Variants in ATP11A observed in about 807,000 individuals in gnomAD.
ATP11A encodes the protein phospholipid-transporting ATPase IH.
ATP11A carries 81 observed loss-of-function variants against 154.4 expected under a neutral mutation model. The ratio of observed to expected loss-of-function variants is 0.52; its 90% CI spans 0.44 to 0.63. The LOEUF is 0.63. Among genes scored for constraint, ATP11A ranks in the 30% least tolerant of loss-of-function variants. ATP11A has a pLI of 0.00. For synonymous variants in ATP11A, 623 were observed against 585.9 expected, an observed-to-expected ratio of 1.06 and a Z score of -0.91; for missense variants, 1,316 against 1,474.3, an observed-to-expected ratio of 0.89 and a Z score of 1.76.
rs368918441 is a variant in ATP11A at position 112,881,570 on chromosome 13, G to T, written c.*10-306G>T. 163 of 1,158,670 alleles carry T rather than the reference G, an allele frequency of 1.4e-4. No individual in the cohort carries two copies. The African/African-American group carries it at 2.4e-3, about 17-fold the overall frequency. 71.8% of individuals were successfully genotyped at this position (1,158,670 alleles called of 1,614,324 possible). On this transcript the variant is annotated intron_variant, in intron 29 of 29. Transcript: ENST00000375645. ...CCTGGGATGGTGGGACAGGGGGACG[G>T]TCACTCTGTTGGTACTGAAAAGGAG... is the stretch of plus-strand genomic sequence containing the variant.
At chr13:112,832,157 C>T (rs1210766248) in intron 13 of ATP11A, among the ~76,000 whole-genome samples, 1 of 152,272 alleles carries the variant, frequency 6.6e-6, no homozygotes, top group Non-Finnish European at 1.5e-5. Flanking sequence ...CATGCACTCT[C>T]ACACACGCCC....
rs567135270 is a variant in ATP11A, at chr13:112,816,110, G to A, written c.469G>A (p.Asp157Asn). Residue 157 changes from aspartate (D) to asparagine (N), a missense_variant, in exon 6 of 30, where the codon GAC becomes AAC. Around this residue, in one of 5 missense-constraint regions of ATP11A, gnomAD observed 876 missense variants for 1,006.8 expected, o/e 0.87. Transcript: ENST00000375645. Reference sequence around the variant, plus strand: ...TGGGGACATTGTCATGGTTAAGGAGGACGAGACCTTTCCCTGCGACTTGAT... The same window carrying A: ...TGGGGACATTGTCATGGTTAAGGAGAACGAGACCTTTCCCTGCGACTTGAT... ...RVGDIVMVKE[D>N]ETFPCDLIFL... 1.9e-6 allele frequency: 3 copies of A among 1,614,218 alleles called. No homozygotes were observed. In the Admixed American group the frequency reaches 5.0e-5, roughly 27 times the overall value.
At chr13:112,874,730 G>A (rs1408249177) in intron 27 of ATP11A, among the ~76,000 whole-genome samples, 2 of 152,194 alleles carry the variant, frequency 1.3e-5, no homozygotes, top group Non-Finnish European at 2.9e-5. Context: ...TCTCAGAGAT[G>A]ACAGCCCAGC....
intron 25 of ATP11A, among the ~76,000 whole-genome samples, chr13:112,870,455 T>C (rs914787667): frequency 1.3e-5 from 2 of 152,332 alleles, no homozygotes; most frequent in South Asian, 4.1e-4. Flanking sequence ...CTCTGCTCAC[T>C]GCAACCTCCG....
intron 1 of ATP11A, among the ~76,000 whole-genome samples, chr13:112,756,283 A>G (rs1368232110): frequency 6.6e-6 from 1 of 152,220 alleles, no homozygotes. Context: ...CTCTGACCCC[A>G]AATAACTAAG....
intron 1 of ATP11A, among the ~76,000 whole-genome samples, chr13:112,779,828 CTGGAAGCGG>C (rs1417385460): frequency 6.6e-6 from 1 of 152,082 alleles, no homozygotes; most frequent in East Asian, 1.9e-4. Context: ...TTGCTTAAAC[CTGGAAGCGG>C]TGGTTGCAGT....
chr13:112,761,520 A>G (rs753852307), intron 1 of ATP11A, among the ~76,000 whole-genome samples: 8 of 152,214 alleles, frequency 5.3e-5, no homozygotes, highest in Non-Finnish European at 1.0e-4. Context: ...CATTGTGTCC[A>G]TAGGATTCGG....
At chr13:112,752,884 C>T (rs1278557813) in intron 1 of ATP11A, among the ~76,000 whole-genome samples, 3 of 152,212 alleles carry the variant, frequency 2.0e-5, no homozygotes, top group Non-Finnish European at 4.4e-5. Flanking sequence ...GTGGCTTCCG[C>T]CTGGCCTCCA....
chr13:112,700,088 C>G (rs761351484), intron 1 of ATP11A, among the ~76,000 whole-genome samples: 30 of 140,172 alleles, frequency 2.1e-4, no homozygotes, highest in South Asian at 4.5e-4. Flanking sequence ...AAAATAAGAT[C>G]ATTTTTCCTG....
intron 25 of ATP11A, 40 bp downstream of exon 25, chr13:112,862,615 G>T: frequency 6.2e-7 from 1 of 1,613,134 alleles, no homozygotes; most frequent in Non-Finnish European, 8.5e-7. Context: ...AGCTGCTTAG[G>T]AATAAAGCCT....
chr13:112,787,135 G>T (rs1316717618), intron 2 of ATP11A, among the ~76,000 whole-genome samples: 1 of 137,094 alleles, frequency 7.3e-6, no homozygotes, highest in African/African-American at 3.1e-5. Context: ...GACCCCTGTG[G>T]AGACCTACTT....
rs1000380658 is a variant in ATP11A, at chr13:112,886,769, T to C, written c.*4903T>C. The C allele has an allele frequency of 4.6e-5, 7 of 152,608 alleles. No individual in the cohort carries two copies. The highest frequency in any genetic ancestry group is 9.6e-5 in the African/African-American group (4 of 41,472). The allele number at this position is 152,608 out of a possible 1,614,324, so 9.5% of individuals were successfully genotyped here. On this transcript the variant is annotated 3_prime_UTR_variant, in exon 30 of 30. Coordinates refer to ENST00000375645, the MANE Select transcript of ATP11A (RefSeq NM_015205.3). Reference sequence around the variant, plus strand: ...TAAAATTATAATGTCTGCGTCACCATTTAAAATGTCTGTTCATTATGTAAT... The same window carrying C: ...TAAAATTATAATGTCTGCGTCACCACTTAAAATGTCTGTTCATTATGTAAT...
intron 1 of ATP11A, among the ~76,000 whole-genome samples, chr13:112,758,431 C>CTT (rs1396524682): frequency 1.4e-5 from 2 of 140,828 alleles, no homozygotes; most frequent in African/African-American, 5.2e-5. Context: ...TCTTTTTTTT[C>CTT]TTTTTTTTTT....
At chr13:112,765,732 A>G (rs967722663) in intron 1 of ATP11A, among the ~76,000 whole-genome samples, 2 of 152,244 alleles carry the variant, frequency 1.3e-5, no homozygotes, top group African/African-American at 2.4e-5. Context: ...GTGTGGGGAA[A>G]TGTCTCTGAG....
At chr13:112,840,558 C>T (rs1338049934) in intron 16 of ATP11A, among the ~76,000 whole-genome samples, 1 of 149,076 alleles carries the variant, frequency 6.7e-6, no homozygotes, top group Non-Finnish European at 1.5e-5. Flanking sequence ...CCTGTCCCCT[C>T]CAGCCTCAGC....
intron 25 of ATP11A, among the ~76,000 whole-genome samples, chr13:112,869,399 C>T (rs2140404171): frequency 6.6e-6 from 1 of 152,314 alleles, no homozygotes; most frequent in East Asian, 1.9e-4. Flanking sequence ...ACCCCCTAAA[C>T]CCAGGGAGCC....
chr13:112,730,414 C>T (rs1890365980), intron 1 of ATP11A, among the ~76,000 whole-genome samples: 1 of 152,232 alleles, frequency 6.6e-6, no homozygotes, highest in East Asian at 1.9e-4. Context: ...GCCAGCTGAG[C>T]CCACAGCAGT....
In ATP11A at chr13:112,855,196, T is replaced by G. The variant is rs542577254; in HGVS notation, c.2243+666T>G. The stretch of plus-strand genomic sequence containing the variant: ...AACTCCTTTTAGGGATTGGAGGGTT[T>G]TTTTTGTTGTTTTTTGTTTTTTGTT... On this transcript the variant is annotated intron_variant, in intron 19 of 29. Coordinates refer to ENST00000375645, the MANE Select transcript of ATP11A (RefSeq NM_015205.3). Among the ~76,000 whole-genome samples the G allele has an allele frequency of 2.0e-5, 3 of 152,250 alleles. No individual in the cohort carries two copies. In the South Asian group the frequency reaches 6.2e-4, roughly 32 times the overall value.
chr13:112,754,973 G>A lies in ATP11A; in HGVS notation c.40-30162G>A, dbSNP rs1485611901. 6.6e-6 allele frequency among the ~76,000 whole-genome samples: 1 copy of A among 152,258 alleles called. No homozygotes were observed. Among genetic ancestry groups the A allele is most frequent in the Non-Finnish European group, 1.5e-5 (1 of 68,038 alleles). ...CGGTGGGCGCAGAGCTCCTGCCGAG[G>A]GCTGGATGGCGCGGACCTGGGCATC... is the stretch of plus-strand genomic sequence containing the variant. On this transcript the variant is annotated intron_variant, in intron 1 of 29. Coordinates refer to ENST00000375645, the MANE Select transcript of ATP11A (RefSeq NM_015205.3). This position sits in a 1 kb window ranked among gnomAD's most constrained non-coding sequence, Gnocchi z 5.3.
Sources: gnomAD v4.1 joint callset for allele counts (sites outside exome capture counted in the v4.1 genomes callset) on GRCh38, gnomAD v4.1.1 for gene constraint, gnomAD v4.1.1 regional missense constraint, Gnocchi (gnomAD v3.1) non-coding constraint, MANE v1.5 for transcripts, NCBI Gene and HGNC (gene_info 2026-07-23, HGNC 2026-07-21) for gene names.